Variants in ICA1 observed in about 807,000 individuals in gnomAD.
ICA1 encodes the protein islet cell autoantigen 1.
Under a neutral mutation model 71.0 loss-of-function variants are expected in ICA1, and 40 were observed. The ratio of observed to expected loss-of-function variants is 0.56; its 90% CI spans 0.44 to 0.73. The LOEUF (loss-of-function observed/expected upper bound fraction) is 0.73. Ranked by LOEUF, ICA1 falls within the 30% of genes least tolerant of loss-of-function variation. The pLI is 0.00. For synonymous variants in ICA1, 207 were observed against 209.5 expected (o/e 0.99, Z 0.10); for missense variants, 578 against 576.5 (o/e 1.00, Z -0.03).
In ICA1 at chr7:8,205,835, G is replaced by T. The variant is rs192591719; in HGVS notation, c.579+12470C>A. Among the ~76,000 whole-genome samples the T allele has an allele frequency of 7.9e-5, 12 of 151,844 alleles. No homozygotes were observed. The East Asian group carries it at 2.3e-3, about 30-fold the overall frequency. ...CATTAAACAGCATGAATAAGAAATA[G>T]AAGTGGACGCTGAACACAGAGCAAG... On this transcript the variant is annotated intron_variant, in intron 6 of 13. Transcript: ENST00000402384.
intron 4 of ICA1, among the ~76,000 whole-genome samples, chr7:8,224,369 G>A (rs1382845761): frequency 1.3e-5 from 2 of 151,772 alleles, no homozygotes; most frequent in Non-Finnish European, 2.9e-5. Context: ...GCCAGATCAC[G>A]TCCTATGTAT....
intron 6 of ICA1, among the ~76,000 whole-genome samples, chr7:8,168,514 A>G (rs1165080793): frequency 1.3e-5 from 2 of 152,132 alleles, no homozygotes; most frequent in Non-Finnish European, 2.9e-5. Flanking sequence ...ACCACCATTG[A>G]CCACGTGACT....
chr7:8,240,269 C>T (rs1369195156), intron 1 of ICA1, among the ~76,000 whole-genome samples: 1 of 132,534 alleles, frequency 7.5e-6, no homozygotes, highest in East Asian at 2.3e-4. Context: ...GATACCCAGG[C>T]AAACAGAGTC....
rs1807273791 is a variant in ICA1, at chr7:8,249,267, C to CAAAGGCTGGAAGTGCGGT, written c.-80+12809_-80+12826dup. Among the ~76,000 whole-genome samples, 3 of 152,304 alleles carry CAAAGGCTGGAAGTGCGGT rather than the reference C, an allele frequency of 2.0e-5. 1 individual carries two copies. Among genetic ancestry groups the CAAAGGCTGGAAGTGCGGT allele is most frequent in the African/African-American group, 7.2e-5 (3 of 41,564 alleles). On this transcript the variant is annotated intron_variant, in intron 1 of 13. Transcript: ENST00000402384. ...ACTTAATTAGTCATTGCTGGAGAGG[C>CAAAGGCTGGAAGTGCGGT]AAAGGCTGGAAGTGCGGTGGGGAGG... is the stretch of plus-strand genomic sequence containing the variant.
chr7:8,129,899 T>A (rs1293780572), intron 12 of ICA1, among the ~76,000 whole-genome samples: 1 of 131,312 alleles, frequency 7.6e-6, no homozygotes, highest in East Asian at 2.3e-4. Context: ...TTCCCCTTCC[T>A]GTGTCCATGT....
At chr7:8,145,883 C>A (rs893720383) in intron 8 of ICA1, among the ~76,000 whole-genome samples, 7 of 151,600 alleles carry the variant, frequency 4.6e-5, no homozygotes, top group Non-Finnish European at 8.8e-5. Context: ...CGTTATATAC[C>A]TTAAGCAGTT....
chr7:8,159,724 A>T (rs1374335064), intron 6 of ICA1, among the ~76,000 whole-genome samples: 1 of 152,144 alleles, frequency 6.6e-6, no homozygotes, highest in African/African-American at 2.4e-5. Context: ...TAAACATCCA[A>T]CAACAAAACC....
intron 13 of ICA1, among the ~76,000 whole-genome samples, chr7:8,121,747 A>G (rs879642015): frequency 4.6e-5 from 7 of 152,206 alleles, no homozygotes; most frequent in Non-Finnish European, 1.0e-4. Flanking sequence ...AAATAACCCA[A>G]AGAGTATAAT....
At chr7:8,151,886 G>T (rs1442830411) in intron 8 of ICA1, among the ~76,000 whole-genome samples, 1 of 152,226 alleles carries the variant, frequency 6.6e-6, no homozygotes, top group Admixed American at 6.5e-5. Flanking sequence ...GAGGAGACAT[G>T]GGTACATCTG....
chr7:8,216,574 A>C (rs1392961715), intron 6 of ICA1, among the ~76,000 whole-genome samples: 1 of 139,516 alleles, frequency 7.2e-6, no homozygotes, highest in Non-Finnish European at 1.5e-5. Context: ...CCACCCCCAC[A>C]AAACAAAACC....
intron 8 of ICA1, among the ~76,000 whole-genome samples, chr7:8,147,380 G>A (rs965246853): frequency 6.6e-6 from 1 of 152,044 alleles, no homozygotes; most frequent in Non-Finnish European, 1.5e-5. Context: ...TTCTCCCAAC[G>A]GAATGGCTGC....
chr7:8,158,697 T>C (rs1333083658), intron 6 of ICA1, 45 bp from the exon 7 acceptor site: 1 of 1,590,936 alleles, frequency 6.3e-7, no homozygotes, highest in South Asian at 1.1e-5. Context: ...AACCCTTAAG[T>C]AGGTAAAATT....
intron 6 of ICA1, among the ~76,000 whole-genome samples, chr7:8,164,529 TC>T (rs1805169150): frequency 1.3e-5 from 2 of 152,184 alleles, no homozygotes; most frequent in East Asian, 3.9e-4. Context: ...AGCTTGCCTT[TC>T]CACCAGCCAG....
chr7:8,138,706 A>G lies in ICA1; in HGVS notation c.1060+134T>C, dbSNP rs1031966230. The G allele has an allele frequency of 4.7e-5, 33 of 704,968 alleles. No individual in the cohort carries two copies. The African/African-American group carries it at 5.0e-4, about 11-fold the overall frequency. The allele number at this position is 704,968 out of a possible 1,614,324, so 43.7% of individuals were successfully genotyped here. Reference sequence around the variant, plus strand: ...TTGGGCATATTTGAGGTCATTTATAAAGACTGTCACCCAAAAAACTTTCCT... The same window carrying G: ...TTGGGCATATTTGAGGTCATTTATAGAGACTGTCACCCAAAAAACTTTCCT... On this transcript the variant is annotated intron_variant, in intron 12 of 13. Transcript: ENST00000402384.
chr7:8,197,363 G>A (rs59376763), intron 6 of ICA1, among the ~76,000 whole-genome samples: 1 of 151,474 alleles, frequency 6.6e-6, no homozygotes, highest in African/African-American at 2.4e-5. Context: ...GACAAGCCTG[G>A]CCAACATAGT....
intron 1 of ICA1, among the ~76,000 whole-genome samples, chr7:8,242,071 A>C (rs1473862797): frequency 6.6e-6 from 1 of 152,212 alleles, no homozygotes; most frequent in Non-Finnish European, 1.5e-5. Flanking sequence ...CAGACCTAAT[A>C]GACATCTACA....
chr7:8,113,825 T>C lies in ICA1; in HGVS notation c.*98A>G. On this transcript the variant is annotated 3_prime_UTR_variant, in exon 14 of 14. Coordinates refer to ENST00000402384, the MANE Select transcript of ICA1 (RefSeq NM_001136020.3). This position sits in a 1 kb window ranked among gnomAD's most constrained non-coding sequence, Gnocchi z 4.2. ...CCTTTCATTTTATTAAAATGGCACATAATTATTAAAACAGCATACTGATCA... is the reference window on the plus strand; with the variant it reads ...CCTTTCATTTTATTAAAATGGCACACAATTATTAAAACAGCATACTGATCA... 6.2e-6 allele frequency: 8 copies of C among 1,288,574 alleles called. No homozygotes were observed. The South Asian group carries it at 6.2e-5, about 10-fold the overall frequency. 79.8% of individuals were successfully genotyped at this position (1,288,574 alleles called of 1,614,324 possible). A position where few individuals can be genotyped will look rare whatever the true frequency, so the allele number is the denominator to read the frequency against.
At position 8,127,859 on chromosome 7, in the gene ICA1, C is replaced by T. The variant is rs768188570; in HGVS notation, c.1330+14G>A. 1.3e-6 allele frequency: 2 copies of T among 1,573,698 alleles called. No homozygotes were observed. The highest frequency in any genetic ancestry group is 2.3e-5 in the South Asian group (2 of 85,330). ...ACAAACAAAAAACCCCATTTCAATC[C>T]CCACCTTACCTACCTTGTAGCGAGG... On this transcript the variant is annotated intron_variant, in intron 13 of 13. Coordinates refer to ENST00000402384, the MANE Select transcript of ICA1 (RefSeq NM_001136020.3).
At chr7:8,184,287 T>C (rs1253326427) in intron 6 of ICA1, among the ~76,000 whole-genome samples, 1 of 152,240 alleles carries the variant, frequency 6.6e-6, no homozygotes, top group Non-Finnish European at 1.5e-5. Flanking sequence ...CCTTACATTA[T>C]AGATGTACAT....
Sources: allele counts gnomAD v4.1 joint callset (sites outside exome capture counted in the v4.1 genomes callset), GRCh38; gene constraint gnomAD v4.1.1; non-coding constraint Gnocchi (gnomAD v3.1); transcripts MANE v1.5; gene names NCBI Gene and HGNC (gene_info 2026-07-23, HGNC 2026-07-21).